The following TRIM44 variants were observed in gnomAD, a reference collection of about 807,000 sequenced individuals.
The protein encoded by TRIM44 is tripartite motif containing 44.
In TRIM44, 13 loss-of-function variants were observed where a neutral mutation model predicts 37.4. The observed-to-expected ratio is 0.35, with a 90% CI of 0.23 to 0.55. The LOEUF (loss-of-function observed/expected upper bound fraction) is 0.55. Ranked by LOEUF, TRIM44 falls within the 20% of genes least tolerant of loss-of-function variation. TRIM44 has a pLI of 0.89. For missense variants in TRIM44, 426 were observed against 437.2 expected, an observed-to-expected ratio of 0.97 and a Z score of 0.23; for synonymous variants, 175 against 157.2, an observed-to-expected ratio of 1.11 and a Z score of -0.85.
chr11:35,773,979 A>G (rs1852913820), intron 4 of TRIM44, among the ~76,000 whole-genome samples: 2 of 152,224 alleles, frequency 1.3e-5, no homozygotes, highest in African/African-American at 4.8e-5. Context: ...TCCTTTGGGT[A>G]TATACCCAGT....
At chr11:35,771,780 G>C (rs1182683589) in intron 4 of TRIM44, among the ~76,000 whole-genome samples, 1 of 151,600 alleles carries the variant, frequency 6.6e-6, no homozygotes, top group Non-Finnish European at 1.5e-5. Flanking sequence ...GAACATGAAA[G>C]TTTGGAAAAT....
intron 3 of TRIM44, among the ~76,000 whole-genome samples, chr11:35,727,481 A>G (rs1402262013): frequency 6.6e-6 from 1 of 152,252 alleles, no homozygotes; most frequent in African/African-American, 2.4e-5. Flanking sequence ...ATTGAAAGGT[A>G]TCTGCTATAC....
intron 2 of TRIM44, among the ~76,000 whole-genome samples, chr11:35,720,671 G>A (rs1429106933): frequency 6.6e-6 from 1 of 152,044 alleles, no homozygotes; most frequent in Non-Finnish European, 1.5e-5. Flanking sequence ...GTTGGCTGTA[G>A]GTAATTGTAG....
At chr11:35,761,547 A>G (rs1319782447) in intron 4 of TRIM44, among the ~76,000 whole-genome samples, 2 of 152,246 alleles carry the variant, frequency 1.3e-5, no homozygotes, top group African/African-American at 4.8e-5. Flanking sequence ...TGTGACAGAC[A>G]CTGTTAAGGG....
intron 4 of TRIM44, among the ~76,000 whole-genome samples, chr11:35,764,763 C>G (rs1852771903): frequency 1.3e-5 from 2 of 152,136 alleles, no homozygotes; most frequent in African/African-American, 4.8e-5. Context: ...CCAGTATATG[C>G]TTGACCCATA....
intron 1 of TRIM44, among the ~76,000 whole-genome samples, chr11:35,667,416 C>A (rs1851344357): frequency 1.3e-5 from 2 of 152,250 alleles, no homozygotes; most frequent in African/African-American, 4.8e-5. Flanking sequence ...GTTGATCAGG[C>A]TGGAATGCAG....
chr11:35,759,191 G>A lies in TRIM44; in HGVS notation c.1007+23746G>A, dbSNP rs142872585. On this transcript the variant is annotated intron_variant, in intron 4 of 4. Coordinates refer to ENST00000299413, the MANE Select transcript of TRIM44 (RefSeq NM_017583.6). Reference sequence around the variant, plus strand: ...TAGTCCCATATTTCTTGGAGGCTTTGTTGGTTTCTTTTTATTCTTTTTTCT... The same window carrying A: ...TAGTCCCATATTTCTTGGAGGCTTTATTGGTTTCTTTTTATTCTTTTTTCT... Among the ~76,000 whole-genome samples the A allele has an allele frequency of 7.2e-3, 1,090 of 152,292 alleles. 9 individuals carry two copies. The highest frequency in any genetic ancestry group is 0.025 in the African/African-American group (1,049 of 41,554).
At chr11:35,767,589 T>TG (rs1353103478) in intron 4 of TRIM44, among the ~76,000 whole-genome samples, 1 of 151,904 alleles carries the variant, frequency 6.6e-6, no homozygotes, top group Admixed American at 6.6e-5. Flanking sequence ...TCTTTCTCTG[T>TG]GGGAAAAAAA....
chr11:35,706,088 C>A (rs370606731), intron 2 of TRIM44, among the ~76,000 whole-genome samples: 1 of 148,528 alleles, frequency 6.7e-6, no homozygotes, highest in African/African-American at 2.4e-5. Context: ...ATATCACCAC[C>A]GATCCCACAG....
chr11:35,727,681 T>C (rs950055630), intron 3 of TRIM44, among the ~76,000 whole-genome samples: 1 of 152,196 alleles, frequency 6.6e-6, no homozygotes, highest in African/African-American at 2.4e-5. Context: ...AAATGGGATA[T>C]TTGAGATACA....
chr11:35,704,366 A>G (rs1851842892), intron 2 of TRIM44, among the ~76,000 whole-genome samples: 1 of 152,228 alleles, frequency 6.6e-6, no homozygotes, highest in Admixed American at 6.5e-5. Flanking sequence ...AACTTCCCCA[A>G]TCTAGCAAGG....
At chr11:35,784,923 C>G (rs933336634) in intron 4 of TRIM44, among the ~76,000 whole-genome samples, 18 of 152,292 alleles carry the variant, frequency 1.2e-4, no homozygotes, top group African/African-American at 4.1e-4. Flanking sequence ...TCACCTGACT[C>G]TTATGTCAAT....
intron 4 of TRIM44, among the ~76,000 whole-genome samples, chr11:35,761,994 T>C (rs1412684045): frequency 2.0e-5 from 3 of 152,214 alleles, no homozygotes; most frequent in Non-Finnish European, 4.4e-5. Context: ...GCAGTGCCCT[T>C]TTCCCTTTCC....
At chr11:35,691,232 C>A (rs374641146) in intron 2 of TRIM44, among the ~76,000 whole-genome samples, 6 of 152,214 alleles carry the variant, frequency 3.9e-5, no homozygotes, top group African/African-American at 1.4e-4. Context: ...GGAAAAATAC[C>A]TGTGCTCCCT....
intron 2 of TRIM44, among the ~76,000 whole-genome samples, chr11:35,687,711 G>T (rs780572367): frequency 6.6e-6 from 1 of 152,190 alleles, no homozygotes; most frequent in South Asian, 2.1e-4. Context: ...AAAGTGAAAG[G>T]TTTGAGCGGT....
At chr11:35,777,843 T>C (rs567920664) in intron 4 of TRIM44, among the ~76,000 whole-genome samples, 1 of 152,348 alleles carries the variant, frequency 6.6e-6, no homozygotes, top group Admixed American at 6.5e-5. Context: ...TCTGATGGGC[T>C]TCCCTTTGTG....
chr11:35,801,670 C>T (rs1233622339), intron 4 of TRIM44, among the ~76,000 whole-genome samples: 2 of 152,134 alleles, frequency 1.3e-5, no homozygotes, highest in Non-Finnish European at 2.9e-5. Context: ...TTATGGCATG[C>T]CTCTGACATT....
At chr11:35,688,097 G>A (rs530111276) in intron 2 of TRIM44, among the ~76,000 whole-genome samples, 31 of 152,160 alleles carry the variant, frequency 2.0e-4, no homozygotes, top group Admixed American at 1.8e-3. Context: ...TGTCTGTTCT[G>A]TTTTCCCACA....
At chr11:35,768,446 C>G (rs1271923856) in intron 4 of TRIM44, among the ~76,000 whole-genome samples, 1 of 152,148 alleles carries the variant, frequency 6.6e-6, no homozygotes, top group Non-Finnish European at 1.5e-5. Context: ...TTTCCAAATT[C>G]CACATTTTTC....
Sources: gnomAD v4.1 joint callset for allele counts (sites outside exome capture counted in the v4.1 genomes callset) on GRCh38, gnomAD v4.1.1 for gene constraint, MANE v1.5 for transcripts, NCBI Gene and HGNC (gene_info 2026-07-23, HGNC 2026-07-21) for gene names.